The following ATP6V0A2 variants were observed in gnomAD, a reference collection of about 807,000 sequenced individuals.
ATP6V0A2 encodes V-type proton ATPase 116 kDa subunit a 2.
ATP6V0A2 carries 58 observed loss-of-function variants against 104.4 expected under a neutral mutation model. The observed-to-expected ratio is 0.56, with a 90% CI of 0.45 to 0.69. The LOEUF (loss-of-function observed/expected upper bound fraction) is 0.69, where lower values mean the gene tolerates loss of function less well. Ranked by LOEUF, ATP6V0A2 falls within the 30% of genes least tolerant of loss-of-function variation. The pLI is 0.00. For synonymous variants in ATP6V0A2, 376 were observed against 397.9 expected, an observed-to-expected ratio of 0.95 and a Z score of 0.65; for missense variants, 938 against 1,062.9, an observed-to-expected ratio of 0.88 and a Z score of 1.63.
chr12:123,751,862 C>CTTT (rs34862238), intron 16 of ATP6V0A2, among the ~76,000 whole-genome samples: 35 of 123,454 alleles, frequency 2.8e-4, no homozygotes, highest in East Asian at 2.1e-3. Context: ...TTCTTTCTTT[C>CTTT]TTTTTTTTTT....
At position 123,754,462 on chromosome 12, in the gene ATP6V0A2, A is replaced by G. The variant is rs1484665829; in HGVS notation, c.2218A>G (p.Ile740Val). 6.2e-7 allele frequency: 1 copy of G among 1,614,126 alleles called. No homozygotes were observed. Residue 740 changes from isoleucine (I) to valine (V), a missense_variant, in exon 18 of 20, where the codon ATC becomes GTC. Coordinates refer to ENST00000330342, the MANE Select transcript of ATP6V0A2 (RefSeq NM_012463.4). ...EILMTQVIHS[I>V]EYCLGCISNT... Reference sequence around the variant, plus strand: ...ATTAATGACCCAAGTAATCCATTCCATCGAGTACTGTCTGGGATGCATCTC... The same window carrying G: ...ATTAATGACCCAAGTAATCCATTCCGTCGAGTACTGTCTGGGATGCATCTC...
At chr12:123,736,938 G>A in intron 8 of ATP6V0A2, 121 bp from the exon 9 acceptor site, 1 of 965,858 alleles carries the variant, frequency 1.0e-6, no homozygotes, top group South Asian at 1.3e-5. Flanking sequence ...ACCAGGATAG[G>A]CAGGTGCCTG....
chr12:123,750,270 A>G (rs1215270478), intron 15 of ATP6V0A2: 1 of 152,244 alleles, frequency 6.6e-6, no homozygotes, highest in Admixed American at 6.5e-5. Flanking sequence ...ACTGGTGATA[A>G]CTGGTGGCTC....
chr12:123,740,230 T>G, intron 9 of ATP6V0A2, among the ~76,000 whole-genome samples: 1 of 148,506 alleles, frequency 6.7e-6, no homozygotes. Context: ...GGAGATAGAG[T>G]CTGGCTCTTT....
At chr12:123,729,328 T>G (rs1566278802) in intron 6 of ATP6V0A2, among the ~76,000 whole-genome samples, 1 of 149,694 alleles carries the variant, frequency 6.7e-6, no homozygotes, top group Non-Finnish European at 1.5e-5. Context: ...GGCTGTTTTT[T>G]TTTTTGAGTG....
intron 4 of ATP6V0A2, 69 bp from the exon 5 acceptor site, chr12:123,726,128 A>C: frequency 7.7e-7 from 1 of 1,300,818 alleles, no homozygotes; most frequent in Non-Finnish European, 1.1e-6. Flanking sequence ...AACTTGTTTG[A>C]AAATTTGACA....
intron 9 of ATP6V0A2, 36 bp downstream of exon 9, chr12:123,737,307 A>G (rs773738885): frequency 1.3e-6 from 2 of 1,586,784 alleles, no homozygotes; most frequent in Non-Finnish European, 1.7e-6. Flanking sequence ...CAGGAACAGA[A>G]GAGAGACTGA....
At chr12:123,737,638 A>G (rs1020931018) in intron 9 of ATP6V0A2, 2 of 312,270 alleles carry the variant, frequency 6.4e-6, no homozygotes, top group African/African-American at 4.3e-5. Flanking sequence ...CTTTTGAGTA[A>G]TTCATTCACA....
In ATP6V0A2 at chr12:123,718,715, C is replaced by G. The variant is rs1481910525; in HGVS notation, c.196+14C>G. ...AGCGAATATTGGGTAAGTTTATTTTCTGATTTAACAACTTAAATAATTACC... is the reference window on the plus strand; with the variant it reads ...AGCGAATATTGGGTAAGTTTATTTTGTGATTTAACAACTTAAATAATTACC... On this transcript the variant is annotated intron_variant, in intron 2 of 19. Coordinates refer to ENST00000330342, the MANE Select transcript of ATP6V0A2 (RefSeq NM_012463.4). 1.3e-6 allele frequency: 2 copies of G among 1,585,908 alleles called. No individual in the cohort carries two copies. The highest frequency in any genetic ancestry group is 2.2e-5 in the South Asian group (2 of 89,310).
intron 3 of ATP6V0A2, among the ~76,000 whole-genome samples, chr12:123,723,030 C>T (rs1956415432): frequency 6.6e-6 from 1 of 152,184 alleles, no homozygotes; most frequent in Non-Finnish European, 1.5e-5. Context: ...TATTAGCATC[C>T]TCGGTGAATT....
intron 9 of ATP6V0A2, among the ~76,000 whole-genome samples, chr12:123,738,257 C>T (rs944618733): frequency 6.6e-6 from 1 of 152,148 alleles, no homozygotes; most frequent in Non-Finnish European, 1.5e-5. Flanking sequence ...ACAAAATTAG[C>T]TGGGCGGGGT....
At chr12:123,741,453 T>TA in intron 9 of ATP6V0A2, among the ~76,000 whole-genome samples, 1 of 152,072 alleles carries the variant, frequency 6.6e-6, no homozygotes, top group East Asian at 1.9e-4. Context: ...ATTCATTTTT[T>TA]AGACAAGGTC....
Position 123,733,992 on chromosome 12 carries a change from A to G in ATP6V0A2, c.715A>G (p.Lys239Glu). The G allele has an allele frequency of 6.2e-7, 1 of 1,612,728 alleles. No individual in the cohort carries two copies. Among genetic ancestry groups the G allele is most frequent in the East Asian group, 2.2e-5 (1 of 44,870 alleles). Residue 239 changes from lysine to glutamate, a missense_variant, in exon 7 of 20, where the codon AAG (lysine) becomes GAG (glutamate). Transcript: ENST00000330342. ...FWGEQIGHKV[K>E]KICDCYHCHV... Reference sequence around the variant, plus strand: ...GGGAGAGCAGATTGGCCACAAGGTTAAGAAGATATGTGATTGGTAAGAAAA... The same window carrying G: ...GGGAGAGCAGATTGGCCACAAGGTTGAGAAGATATGTGATTGGTAAGAAAA...
At chr12:123,714,658 A>T (rs2135873603) in intron 1 of ATP6V0A2, among the ~76,000 whole-genome samples, 1 of 152,314 alleles carries the variant, frequency 6.6e-6, no homozygotes, top group East Asian at 1.9e-4. Flanking sequence ...TGCCGGTTTT[A>T]CTAGGTTAAA....
chr12:123,726,379 A>C, intron 5 of ATP6V0A2, 94 bp downstream of exon 5: 1 of 890,052 alleles, frequency 1.1e-6, no homozygotes, highest in Non-Finnish European at 1.9e-6. Flanking sequence ...GACCATTTTA[A>C]AGCCTAGGGT....
intron 1 of ATP6V0A2, among the ~76,000 whole-genome samples, chr12:123,713,462 C>T (rs1566270665): frequency 1.3e-5 from 2 of 152,124 alleles, no homozygotes; most frequent in Non-Finnish European, 1.5e-5. Flanking sequence ...CTGTCAACCT[C>T]TGAGAGTAAG....
In ATP6V0A2 at chr12:123,759,127, A is replaced by C. The variant is rs1956789077; in HGVS notation, c.*1095A>C. On this transcript the variant is annotated 3_prime_UTR_variant, in exon 20 of 20. Transcript: ENST00000330342. ...GCTTGGCTGATGTCACTGAACCAGA[A>C]GGGTTTATACTGAGTGAAGGAAAGG... 6.5e-6 allele frequency: 1 copy of C among 152,674 alleles called. No individual in the cohort carries two copies. Among genetic ancestry groups the C allele is most frequent in the Admixed American group, 6.5e-5 (1 of 15,282 alleles). The allele number at this position is 152,674 out of a possible 1,614,324, so 9.5% of individuals were successfully genotyped here.
intron 6 of ATP6V0A2, among the ~76,000 whole-genome samples, chr12:123,729,333 T>TTTTTTTTTTTTTTTTTG (rs1593895328): frequency 6.6e-6 from 1 of 150,670 alleles, no homozygotes; most frequent in African/African-American, 2.4e-5. Flanking sequence ...TTTTTTTTTT[T>TTTTTTTTTTTTTTTTTG]GAGTGCAAAT....
At chr12:123,753,418 T>A (rs934141123) in intron 17 of ATP6V0A2, among the ~76,000 whole-genome samples, 1 of 152,228 alleles carries the variant, frequency 6.6e-6, no homozygotes, top group Non-Finnish European at 1.5e-5. Flanking sequence ...CGGACTGAGA[T>A]GCTGGCAGGC....
Sources: allele counts gnomAD v4.1 joint callset (sites outside exome capture counted in the v4.1 genomes callset), GRCh38; gene constraint gnomAD v4.1.1; transcripts MANE v1.5; gene names NCBI Gene and HGNC (gene_info 2026-07-23, HGNC 2026-07-21).